TLL1: variants seen among roughly 807,000 people sequenced by gnomAD.
TLL1 encodes the protein tolloid like 1.
Under a neutral mutation model 128.2 loss-of-function variants are expected in TLL1, and 49 were observed. That is an observed-to-expected ratio of 0.38 (90% CI 0.30 to 0.48). The LOEUF (loss-of-function observed/expected upper bound fraction) is 0.48. TLL1 is among the 20% of genes least tolerant of loss of function. The probability of loss-of-function intolerance (pLI) is 0.96; values close to 1 mark genes in which losing one functional copy is unlikely to be tolerated. For missense variants in TLL1, 1,123 were observed against 1,242.0 expected (o/e 0.90, Z 1.44); for synonymous variants, 454 against 418.8 (o/e 1.08, Z -1.03).
intron 18 of TLL1, among the ~76,000 whole-genome samples, chr4:166,079,513 T>C (rs1483867111): frequency 6.6e-6 from 1 of 152,120 alleles, no homozygotes; most frequent in Non-Finnish European, 1.5e-5. Flanking sequence ...CTTATCTTTA[T>C]TTCTGTGTTA....
chr4:166,003,576 G>A lies in TLL1; in HGVS notation c.811+7G>A. The A allele has an allele frequency of 1.9e-6, 3 of 1,613,738 alleles. No homozygotes were observed. The South Asian group carries it at 3.3e-5, about 18-fold the overall frequency. On this transcript the variant is annotated splice_region_variant and intron_variant, in intron 6 of 20. Coordinates refer to ENST00000061240, the MANE Select transcript of TLL1 (RefSeq NM_012464.5). The stretch of plus-strand genomic sequence containing the variant: ...AGAGAAAACATCCAGCCAGGTGAGA[G>A]GCATAGAATGTGTTGGGTTTAAGGC...
intron 1 of TLL1, among the ~76,000 whole-genome samples, chr4:165,946,539 CA>C (rs1734260749): frequency 6.7e-6 from 1 of 148,952 alleles, no homozygotes; most frequent in South Asian, 2.1e-4. Context: ...GAGGTTTTCC[CA>C]TATTGCCCAA....
chr4:166,021,692 A>G (rs1275184297), intron 8 of TLL1, among the ~76,000 whole-genome samples: 3 of 152,110 alleles, frequency 2.0e-5, no homozygotes, highest in African/African-American at 7.2e-5. Context: ...CGGCCTCGCA[A>G]ACTGCTGGGA....
intron 1 of TLL1, among the ~76,000 whole-genome samples, chr4:165,925,953 CT>C (rs1561032523): frequency 2.0e-5 from 3 of 151,948 alleles, no homozygotes; most frequent in South Asian, 4.2e-4. Context: ...AAGGCATATA[CT>C]TTTTTTTAGA....
intron 14 of TLL1, among the ~76,000 whole-genome samples, chr4:166,059,210 C>T (rs957594700): frequency 4.3e-5 from 6 of 138,446 alleles, no homozygotes; most frequent in Non-Finnish European, 9.5e-5. Flanking sequence ...TATGTGTATA[C>T]ACACACACAC....
intron 1 of TLL1, among the ~76,000 whole-genome samples, chr4:165,917,761 T>C (rs931710742): frequency 6.6e-6 from 1 of 152,174 alleles, no homozygotes; most frequent in Admixed American, 6.6e-5. Context: ...AATTCTGTTT[T>C]CCTTTAAATG....
At chr4:165,887,864 G>T (rs1020268697) in intron 1 of TLL1, among the ~76,000 whole-genome samples, 3 of 151,958 alleles carry the variant, frequency 2.0e-5, no homozygotes, top group African/African-American at 7.3e-5. Context: ...TCTGTAATTT[G>T]TGCCTGCTTT....
chr4:165,880,659 T>G (rs1315519303), intron 1 of TLL1, among the ~76,000 whole-genome samples: 1 of 152,226 alleles, frequency 6.6e-6, no homozygotes, highest in African/African-American at 2.4e-5. Flanking sequence ...GGGGAGTTGT[T>G]ACGGAGGTGG....
chr4:165,879,263 C>A (rs1730875012), intron 1 of TLL1, among the ~76,000 whole-genome samples: 1 of 152,024 alleles, frequency 6.6e-6, no homozygotes, highest in East Asian at 1.9e-4. Flanking sequence ...TCTATGAAAG[C>A]CTAATATAAG....
At chr4:165,942,275 CT>C (rs574617625) in intron 1 of TLL1, among the ~76,000 whole-genome samples, 5,557 of 144,694 alleles carry the variant, frequency 0.038, 295 homozygotes, top group African/African-American at 0.12. Context: ...CACCACCCTC[CT>C]TTTTTTTTTT....
At chr4:165,897,662 C>CTTTTTTTTTTTTTTTTTTTTTTTTTT (rs951819686) in intron 1 of TLL1, among the ~76,000 whole-genome samples, 8 of 47,514 alleles carry the variant, frequency 1.7e-4, no homozygotes, top group African/African-American at 1.8e-4. Flanking sequence ...GGTAGTCCAG[C>CTTTTTTTTTTTTTTTTTTTTTTTTTT]TTTTTTTTTT....
intron 1 of TLL1, among the ~76,000 whole-genome samples, chr4:165,881,259 G>C (rs914212421): frequency 6.6e-6 from 1 of 152,126 alleles, no homozygotes; most frequent in African/African-American, 2.4e-5. Context: ...CGCATATCTA[G>C]GAAGTCTCTT....
intron 3 of TLL1, among the ~76,000 whole-genome samples, chr4:165,993,349 A>G (rs1347628117): frequency 6.6e-6 from 1 of 152,054 alleles, no homozygotes. Context: ...ATAAACATTC[A>G]GAACTAATTA....
At chr4:165,974,381 C>A (rs1735778140) in intron 1 of TLL1, among the ~76,000 whole-genome samples, 1 of 130,682 alleles carries the variant, frequency 7.7e-6, no homozygotes, top group Non-Finnish European at 1.5e-5. Context: ...ACCTCGTGAT[C>A]CGCCCGCCTC....
At chr4:166,097,619 C>A (rs1475090833) in intron 19 of TLL1, among the ~76,000 whole-genome samples, 1 of 152,096 alleles carries the variant, frequency 6.6e-6, no homozygotes, top group East Asian at 1.9e-4. Flanking sequence ...GGGTTCCATA[C>A]CCGTAATTCA....
chr4:166,097,756 C>T (rs769753880), intron 19 of TLL1, among the ~76,000 whole-genome samples: 1 of 152,104 alleles, frequency 6.6e-6, no homozygotes, highest in Non-Finnish European at 1.5e-5. Flanking sequence ...TCACAGACTA[C>T]CATCACAGTA....
intron 12 of TLL1, among the ~76,000 whole-genome samples, chr4:166,045,238 T>C (rs1041071182): frequency 6.6e-6 from 1 of 152,214 alleles, no homozygotes; most frequent in African/African-American, 2.4e-5. Context: ...ATGTTAGACA[T>C]ATTTTGATAT....
intron 1 of TLL1, among the ~76,000 whole-genome samples, chr4:165,907,671 C>A (rs1197472710): frequency 2.0e-5 from 3 of 151,854 alleles, no homozygotes; most frequent in African/African-American, 4.8e-5. Context: ...GTCTCAGCCT[C>A]CCGAGTAGCT....
intron 8 of TLL1, among the ~76,000 whole-genome samples, chr4:166,024,554 G>A (rs1579638746): frequency 6.6e-6 from 1 of 152,140 alleles, no homozygotes; most frequent in Non-Finnish European, 1.5e-5. Flanking sequence ...CAACAGGGAA[G>A]CCCGTTGTAG....
Sources: gnomAD v4.1 joint callset for allele counts (sites outside exome capture counted in the v4.1 genomes callset) on GRCh38, gnomAD v4.1.1 for gene constraint, MANE v1.5 for transcripts, NCBI Gene and HGNC (gene_info 2026-07-23, HGNC 2026-07-21) for gene names.